KCND2: variants seen among roughly 807,000 people sequenced by gnomAD.
KCND2 encodes potassium voltage-gated channel subfamily D member 2.
KCND2 carries 16 observed loss-of-function variants against 54.4 expected under a neutral mutation model. The observed-to-expected ratio is 0.29, with a 90% CI of 0.20 to 0.45. The LOEUF is 0.45. Among genes scored for constraint, KCND2 ranks in the 20% least tolerant of loss-of-function variants. The pLI, the probability that KCND2 is intolerant of heterozygous loss-of-function variation, is 1.00. For synonymous variants in KCND2, 317 were observed against 310.7 expected, an observed-to-expected ratio of 1.02 and a Z score of -0.21; for missense variants, 486 against 824.2, an observed-to-expected ratio of 0.59 and a Z score of 5.02.
chr7:120,613,415 C>T (rs1214750890), intron 1 of KCND2, among the ~76,000 whole-genome samples: 1 of 152,118 alleles, frequency 6.6e-6, no homozygotes, highest in Non-Finnish European at 1.5e-5. Context: ...CCTGTAATCA[C>T]AGTTACTTGG....
chr7:120,710,188 T>G (rs935902472), intron 1 of KCND2, among the ~76,000 whole-genome samples: 2 of 152,138 alleles, frequency 1.3e-5, no homozygotes, highest in Non-Finnish European at 2.9e-5. Context: ...ATGAGGACAA[T>G]GAAGGATGAC....
At chr7:120,324,144 TTG>T (rs1799938597) in intron 1 of KCND2, among the ~76,000 whole-genome samples, 1 of 151,246 alleles carries the variant, frequency 6.6e-6, no homozygotes, top group South Asian at 2.1e-4. Context: ...TTTGATAGGG[TTG>T]TTTGTTTTTT....
intron 1 of KCND2, among the ~76,000 whole-genome samples, chr7:120,575,103 GATATTAGTAT>G (rs1792412372): frequency 1.3e-5 from 2 of 152,090 alleles, no homozygotes; most frequent in Non-Finnish European, 2.9e-5. Context: ...CTAATAGATA[GATATTAGTAT>G]ATAATAGTAT....
chr7:120,448,073 A>G (rs971442775), intron 1 of KCND2, among the ~76,000 whole-genome samples: 7 of 152,210 alleles, frequency 4.6e-5, no homozygotes, highest in African/African-American at 1.7e-4. Flanking sequence ...GTACATGTGC[A>G]CAACGTGCAG....
chr7:120,743,533 G>T (rs2116182428), intron 4 of KCND2, among the ~76,000 whole-genome samples: 1 of 152,274 alleles, frequency 6.6e-6, no homozygotes, highest in South Asian at 2.1e-4. Context: ...AACATGGAAA[G>T]CAACAACGGT....
chr7:120,438,461 T>G (rs1801901078), intron 1 of KCND2, among the ~76,000 whole-genome samples: 1 of 152,162 alleles, frequency 6.6e-6, no homozygotes. Flanking sequence ...AGGCAATAAT[T>G]ATGTGTAGAA....
At chr7:120,370,747 A>G (rs1167908888) in intron 1 of KCND2, among the ~76,000 whole-genome samples, 3 of 152,020 alleles carry the variant, frequency 2.0e-5, no homozygotes, top group Non-Finnish European at 4.4e-5. Context: ...TTGGATTTAA[A>G]TCTTGGTGTT....
intron 1 of KCND2, among the ~76,000 whole-genome samples, chr7:120,396,490 T>C (rs1236695991): frequency 6.6e-6 from 1 of 152,110 alleles, no homozygotes; most frequent in African/African-American, 2.4e-5. Flanking sequence ...GACTTTATTC[T>C]TTGGTTTCTT....
At chr7:120,326,922 G>A (rs1258502123) in intron 1 of KCND2, among the ~76,000 whole-genome samples, 3 of 151,994 alleles carry the variant, frequency 2.0e-5, no homozygotes, top group African/African-American at 4.8e-5. Flanking sequence ...GTGATCTGTT[G>A]CCTTCATGTC....
chr7:120,405,715 CTTGT>C (rs912505676), intron 1 of KCND2, among the ~76,000 whole-genome samples: 2 of 151,980 alleles, frequency 1.3e-5, no homozygotes, highest in Admixed American at 6.6e-5. Context: ...TAAAAACCTT[CTTGT>C]TTGTCAGGTG....
At chr7:120,619,577 A>C (rs1793072376) in intron 1 of KCND2, among the ~76,000 whole-genome samples, 1 of 152,214 alleles carries the variant, frequency 6.6e-6, no homozygotes, top group South Asian at 2.1e-4. Context: ...AATTCTATTT[A>C]TGCTACTTCA....
At chr7:120,282,955 A>G (rs551170403) in intron 1 of KCND2, among the ~76,000 whole-genome samples, 4 of 152,292 alleles carry the variant, frequency 2.6e-5, no homozygotes, top group African/African-American at 9.6e-5. Flanking sequence ...GTCAGAAATA[A>G]AAATGTAAAT....
intron 1 of KCND2, among the ~76,000 whole-genome samples, chr7:120,390,305 A>G (rs919010683): frequency 6.6e-6 from 1 of 151,960 alleles, no homozygotes; most frequent in South Asian, 2.1e-4. Context: ...TTCAAAAATA[A>G]TATATTCTTT....
chr7:120,377,496 A>G (rs985374687), intron 1 of KCND2, among the ~76,000 whole-genome samples: 2 of 151,752 alleles, frequency 1.3e-5, no homozygotes, highest in South Asian at 4.2e-4. Context: ...GCTTTCCTAG[A>G]TAGGACAGAA....
intron 1 of KCND2, among the ~76,000 whole-genome samples, chr7:120,392,058 T>C (rs1801087971): frequency 6.6e-6 from 1 of 152,160 alleles, no homozygotes; most frequent in Admixed American, 6.6e-5. Flanking sequence ...GTTTTACATT[T>C]AAGTCTTTAA....
intron 1 of KCND2, among the ~76,000 whole-genome samples, chr7:120,551,349 T>C (rs1043816303): frequency 6.6e-6 from 1 of 152,214 alleles, no homozygotes; most frequent in Admixed American, 6.5e-5. Flanking sequence ...TTCACAAGTT[T>C]TCTTTGTTTG....
chr7:120,546,272 G>A (rs1358158351), intron 1 of KCND2, among the ~76,000 whole-genome samples: 2 of 151,886 alleles, frequency 1.3e-5, no homozygotes, highest in Non-Finnish European at 2.9e-5. Context: ...ATACTGTAGT[G>A]TATATGGAGT....
intron 1 of KCND2, among the ~76,000 whole-genome samples, chr7:120,729,454 T>A (rs139085004): frequency 1.4e-4 from 21 of 152,342 alleles, no homozygotes; most frequent in Admixed American, 7.2e-4. Context: ...AGGCAGCTGG[T>A]GTTCCATGGG....
intron 1 of KCND2, among the ~76,000 whole-genome samples, chr7:120,612,419 A>G (rs962277182): frequency 6.6e-6 from 1 of 152,230 alleles, no homozygotes; most frequent in Non-Finnish European, 1.5e-5. Flanking sequence ...AGTGAAGGAA[A>G]TAGCACATAA....
Sources: gnomAD v4.1 joint callset for allele counts (sites outside exome capture counted in the v4.1 genomes callset) on GRCh38, gnomAD v4.1.1 for gene constraint, MANE v1.5 for transcripts, NCBI Gene and HGNC (gene_info 2026-07-23, HGNC 2026-07-21) for gene names.